Variants in RGS6 observed in about 807,000 individuals in gnomAD.
RGS6 encodes the protein regulator of G protein signaling 6.
RGS6 carries 30 observed loss-of-function variants against 78.5 expected under a neutral mutation model. That is an observed-to-expected ratio of 0.38 (90% CI 0.29 to 0.52). The LOEUF is 0.52. Ranked by LOEUF, RGS6 falls within the 20% of genes least tolerant of loss-of-function variation. The pLI is 0.85. For missense variants in RGS6, 495 were observed against 609.7 expected, an observed-to-expected ratio of 0.81 and a Z score of 1.98; for synonymous variants, 206 against 206.0, an observed-to-expected ratio of 1.00 and a Z score of 0.00.
At chr14:72,075,198 T>C (rs1450044208) in intron 2 of RGS6, among the ~76,000 whole-genome samples, 1 of 152,202 alleles carries the variant, frequency 6.6e-6, no homozygotes, top group Non-Finnish European at 1.5e-5. Flanking sequence ...ATTAGAAAAC[T>C]CGCCCATTTT....
intron 2 of RGS6, among the ~76,000 whole-genome samples, chr14:72,050,455 A>AG (rs1376190295): frequency 1.3e-5 from 2 of 152,172 alleles, no homozygotes; most frequent in Admixed American, 6.5e-5. Context: ...ATAAAATGTA[A>AG]GGGGGGGATT....
chr14:72,618,226 G>C, the RGS6 span, among the ~76,000 whole-genome samples: 30 of 152,272 alleles, frequency 2.0e-4, no homozygotes, highest in African/African-American at 6.7e-4. Context: ...AAAATTCCCA[G>C]TCAGGTCTCA....
intron 3 of RGS6, among the ~76,000 whole-genome samples, chr14:72,383,813 G>A (rs936835910): frequency 1.3e-5 from 2 of 151,980 alleles, no homozygotes; most frequent in African/African-American, 2.4e-5. Flanking sequence ...GGGGGGGGAC[G>A]GTAGAGATTT....
chr14:72,357,977 A>G (rs186300777), intron 3 of RGS6, among the ~76,000 whole-genome samples: 41 of 152,294 alleles, frequency 2.7e-4, no homozygotes, highest in Non-Finnish European at 4.9e-4. Context: ...TGTGCAGCCT[A>G]GGGACTTAAT....
chr14:71,983,345 T>C (rs2094547345), intron 2 of RGS6, among the ~76,000 whole-genome samples: 1 of 152,240 alleles, frequency 6.6e-6, no homozygotes, highest in African/African-American at 2.4e-5. Flanking sequence ...GAGACCTTTT[T>C]GGTTTAGAAA....
At chr14:72,011,408 G>A (rs2085681625) in intron 2 of RGS6, among the ~76,000 whole-genome samples, 1 of 152,126 alleles carries the variant, frequency 6.6e-6, no homozygotes, top group Non-Finnish European at 1.5e-5. Flanking sequence ...CGAGGAGGGT[G>A]AACTTTCTCT....
At chr14:72,136,798 T>C (rs1444087039) in intron 2 of RGS6, among the ~76,000 whole-genome samples, 1 of 152,228 alleles carries the variant, frequency 6.6e-6, no homozygotes, top group Non-Finnish European at 1.5e-5. Flanking sequence ...TCTTTGAACC[T>C]GTTTTGCTCT....
At chr14:72,335,183 C>T (rs1056993157) in intron 2 of RGS6, among the ~76,000 whole-genome samples, 1 of 152,118 alleles carries the variant, frequency 6.6e-6, no homozygotes, top group Admixed American at 6.5e-5. Flanking sequence ...GTCAATTAAA[C>T]CTCTTTCTTT....
intron 2 of RGS6, among the ~76,000 whole-genome samples, chr14:72,097,000 G>A (rs2095422321): frequency 6.6e-6 from 1 of 152,166 alleles, no homozygotes; most frequent in South Asian, 2.1e-4. Context: ...TCTGTAGTAG[G>A]GAATGAACCC....
intron 2 of RGS6, among the ~76,000 whole-genome samples, chr14:72,292,110 G>C (rs2063692555): frequency 6.6e-6 from 1 of 152,184 alleles, no homozygotes; most frequent in Non-Finnish European, 1.5e-5. Context: ...GAGGCCCCGG[G>C]TGGAGAATTC....
intron 3 of RGS6, among the ~76,000 whole-genome samples, chr14:72,415,297 C>G (rs2093718525): frequency 6.7e-6 from 1 of 149,218 alleles, no homozygotes; most frequent in Non-Finnish European, 1.5e-5. Flanking sequence ...GACTGCTGTG[C>G]TAGCAATGAG....
intron 2 of RGS6, among the ~76,000 whole-genome samples, chr14:72,255,604 C>G (rs961308558): frequency 6.6e-6 from 1 of 152,124 alleles, no homozygotes; most frequent in Non-Finnish European, 1.5e-5. Context: ...CCTGTGGATA[C>G]CTCAGGCAGG....
At chr14:72,118,257 C>T (rs190640420) in intron 2 of RGS6, among the ~76,000 whole-genome samples, 51 of 152,178 alleles carry the variant, frequency 3.4e-4, no homozygotes, top group Admixed American at 2.0e-3. Context: ...ATTTTGAGTT[C>T]GGCTAAAATA....
At chr14:71,969,840 C>G (rs934554290) in intron 2 of RGS6, among the ~76,000 whole-genome samples, 1 of 152,164 alleles carries the variant, frequency 6.6e-6, no homozygotes, top group African/African-American at 2.4e-5. Flanking sequence ...TTTCAAAGTT[C>G]CATTCTATAA....
At chr14:72,037,362 T>A (rs2091863015) in intron 2 of RGS6, among the ~76,000 whole-genome samples, 1 of 152,202 alleles carries the variant, frequency 6.6e-6, no homozygotes. Context: ...CTTTAAGAGC[T>A]GTAACACTCA....
chr14:72,389,057 A>C (rs1183879620), intron 3 of RGS6, among the ~76,000 whole-genome samples: 1 of 152,126 alleles, frequency 6.6e-6, no homozygotes, highest in Non-Finnish European at 1.5e-5. Flanking sequence ...GCTGCAAGAG[A>C]GAAATTCTCC....
upstream of RGS6, among the ~76,000 whole-genome samples, chr14:71,930,938 C>T (rs547725250): frequency 7.7e-5 from 10 of 129,762 alleles, no homozygotes; most frequent in South Asian, 2.5e-3. Flanking sequence ...GATTGCACCA[C>T]CACACTCCAG....
chr14:72,238,093 G>A (rs548210585), intron 2 of RGS6, among the ~76,000 whole-genome samples: 7 of 152,102 alleles, frequency 4.6e-5, no homozygotes, highest in East Asian at 1.9e-4. Flanking sequence ...GGGATGGTGC[G>A]GGAAGAAGGT....
the RGS6 span, chr14:72,619,817 A>C: frequency 4.0e-6 from 5 of 1,236,214 alleles, no homozygotes; most frequent in Non-Finnish European, 5.4e-6. Context: ...CCATTAGCAT[A>C]AGGCCTGTAC....
Sources: allele counts gnomAD v4.1 joint callset (sites outside exome capture counted in the v4.1 genomes callset), GRCh38; gene constraint gnomAD v4.1.1; transcripts MANE v1.5; gene names NCBI Gene and HGNC (gene_info 2026-07-23, HGNC 2026-07-21).